The following CHRNB3 variants were observed in gnomAD, a reference collection of about 807,000 sequenced individuals.
The protein encoded by CHRNB3 is neuronal acetylcholine receptor subunit beta-3.
In CHRNB3, 37 loss-of-function variants were observed where a neutral mutation model predicts 40.6. That is an observed-to-expected ratio of 0.91 (90% CI 0.70 to 1.20). The LOEUF (loss-of-function observed/expected upper bound fraction) is 1.20, where lower values mean the gene tolerates loss of function less well. Among genes scored for constraint, CHRNB3 ranks in the 50% most tolerant of loss-of-function variants. The probability of loss-of-function intolerance (pLI) is 0.00; values close to 1 mark genes in which losing one functional copy is unlikely to be tolerated. For missense variants in CHRNB3, 505 were observed against 551.2 expected, an observed-to-expected ratio of 0.92 and a Z score of 0.84; for synonymous variants, 207 against 207.1, an observed-to-expected ratio of 1.00 and a Z score of 0.00.
chr8:42,716,252 C>T (rs1816102401), intron 3 of CHRNB3, among the ~76,000 whole-genome samples: 1 of 152,142 alleles, frequency 6.6e-6, no homozygotes, highest in South Asian at 2.1e-4. Flanking sequence ...GCTGGGATTA[C>T]AGGCGTGAGC....
Position 42,697,540 on chromosome 8 carries a change from C to T in CHRNB3, c.-7C>T. 1.2e-6 allele frequency: 2 copies of T among 1,612,012 alleles called. No homozygotes were observed. Among genetic ancestry groups the T allele is most frequent in the Admixed American group, 1.7e-5 (1 of 60,012 alleles). On this transcript the variant is annotated 5_prime_UTR_variant, in exon 1 of 6. Coordinates refer to ENST00000289957, the MANE Select transcript of CHRNB3 (RefSeq NM_000749.5). ...GAAGAAACTGTCTTTCTGAAACTGACATCACGATGCTCCCAGATTTTATGC... is the reference window on the plus strand; with the variant it reads ...GAAGAAACTGTCTTTCTGAAACTGATATCACGATGCTCCCAGATTTTATGC...
chr8:42,708,397 C>T (rs995420672), intron 1 of CHRNB3, among the ~76,000 whole-genome samples: 1 of 151,850 alleles, frequency 6.6e-6, no homozygotes, highest in Admixed American at 6.6e-5. Flanking sequence ...ACCCTGGAGG[C>T]GGAGCTTGCA....
intron 1 of CHRNB3, among the ~76,000 whole-genome samples, chr8:42,700,037 G>A (rs1815756472): frequency 6.8e-6 from 1 of 147,398 alleles, no homozygotes; most frequent in Non-Finnish European, 1.5e-5. Flanking sequence ...TTTTTGAGAT[G>A]GAGTCTCGCT....
chr8:42,710,937 G>A (rs1816005111), intron 3 of CHRNB3, among the ~76,000 whole-genome samples: 1 of 152,226 alleles, frequency 6.6e-6, no homozygotes, highest in South Asian at 2.1e-4. Context: ...AGAACAGAGT[G>A]AAGCCCAAAA....
At chr8:42,697,678 T>C (rs1815700547) in intron 1 of CHRNB3, 80 bp downstream of exon 1, 1 of 1,055,244 alleles carries the variant, frequency 9.5e-7, no homozygotes, top group Non-Finnish European at 1.5e-6. Context: ...GTGTTGATAA[T>C]GTTAGAATTA....
intron 3 of CHRNB3, among the ~76,000 whole-genome samples, chr8:42,710,740 G>A (rs1163403285): frequency 1.3e-5 from 2 of 152,164 alleles, no homozygotes; most frequent in East Asian, 1.9e-4. Context: ...AAACAACAAA[G>A]AGCCTCCAAG....
chr8:42,736,306 A>T (rs1309482632), intron 5 of CHRNB3, among the ~76,000 whole-genome samples, 178 bp from the exon 6 acceptor site: 1 of 152,208 alleles, frequency 6.6e-6, no homozygotes, highest in East Asian at 1.9e-4. Flanking sequence ...TCTTTTGGGC[A>T]CAATTAGCGA....
chr8:42,718,493 G>C (rs138229992), intron 3 of CHRNB3, among the ~76,000 whole-genome samples: 8,653 of 151,622 alleles, frequency 0.057, 321 homozygotes, highest in Middle Eastern at 0.11. Flanking sequence ...CTAACACAGT[G>C]AAACCCCATT....
chr8:42,733,515 C>T (rs141017453), intron 5 of CHRNB3, among the ~76,000 whole-genome samples: 37 of 151,488 alleles, frequency 2.4e-4, no homozygotes, highest in Middle Eastern at 3.5e-3. Flanking sequence ...ACCCAGCACA[C>T]AGGGGCTCAG....
chr8:42,714,095 G>A (rs1816061547), intron 3 of CHRNB3, among the ~76,000 whole-genome samples: 1 of 152,196 alleles, frequency 6.6e-6, no homozygotes. Flanking sequence ...GACAATGTTG[G>A]GGCAGAAAAG....
At chr8:42,734,259 C>CAAAA (rs769371275) in intron 5 of CHRNB3, among the ~76,000 whole-genome samples, 10 of 23,968 alleles carry the variant, frequency 4.2e-4, no homozygotes, top group African/African-American at 6.0e-4. Context: ...GACTCCATCT[C>CAAAA]AAAAAAAAAA....
At chr8:42,720,111 CTTTTTTTTTTTTTTTTTTT>C (rs869178430) in intron 3 of CHRNB3, among the ~76,000 whole-genome samples, 38 of 48,812 alleles carry the variant, frequency 7.8e-4, no homozygotes, top group African/African-American at 2.4e-3. Flanking sequence ...CAGAAGCCTT[CTTTTTTTTTTTTTTTTTTT>C]TTTTTTTTTT....
intron 3 of CHRNB3, among the ~76,000 whole-genome samples, chr8:42,712,094 G>T (rs916496598): frequency 3.3e-5 from 5 of 152,108 alleles, no homozygotes; most frequent in African/African-American, 1.2e-4. Flanking sequence ...CCGGGTTCAA[G>T]CTATCCTCTT....
At chr8:42,700,262 AC>A (rs1815765840) in intron 1 of CHRNB3, among the ~76,000 whole-genome samples, 1 of 151,446 alleles carries the variant, frequency 6.6e-6, no homozygotes, top group African/African-American at 2.4e-5. Context: ...TGATCCACCC[AC>A]CTCGGCCTCC....
chr8:42,698,262 G>C (rs1815712215), intron 1 of CHRNB3, among the ~76,000 whole-genome samples: 1 of 152,106 alleles, frequency 6.6e-6, no homozygotes, highest in African/African-American at 2.4e-5. Flanking sequence ...GTACTGAAAG[G>C]CTTTGGGGAT....
chr8:42,707,098 T>A (rs749846401), intron 1 of CHRNB3, among the ~76,000 whole-genome samples: 14 of 152,114 alleles, frequency 9.2e-5, no homozygotes, highest in Non-Finnish European at 1.8e-4. Flanking sequence ...TAAGGTTGCG[T>A]CTCTCCCTAT....
intron 3 of CHRNB3, among the ~76,000 whole-genome samples, chr8:42,729,227 G>A (rs1485576335): frequency 6.6e-6 from 1 of 151,954 alleles, no homozygotes; most frequent in East Asian, 1.9e-4. Flanking sequence ...CTAACACGGT[G>A]AAACCCCGTC....
chr8:42,717,582 C>T (rs1816138894), intron 3 of CHRNB3, among the ~76,000 whole-genome samples: 2 of 151,160 alleles, frequency 1.3e-5, no homozygotes, highest in Non-Finnish European at 2.9e-5. Flanking sequence ...GCAAAGGAGG[C>T]CAAGTTTGGA....
intron 2 of CHRNB3, 51 bp downstream of exon 2, chr8:42,708,919 T>C: frequency 2.0e-6 from 3 of 1,500,002 alleles, no homozygotes; most frequent in East Asian, 4.7e-5. Flanking sequence ...CCTTAACCTG[T>C]TTATGAGTCT....
Sources: gnomAD v4.1 joint callset for allele counts (sites outside exome capture counted in the v4.1 genomes callset) on GRCh38, gnomAD v4.1.1 for gene constraint, MANE v1.5 for transcripts, NCBI Gene and HGNC (gene_info 2026-07-23, HGNC 2026-07-21) for gene names.